Variants in CADM2 observed in about 807,000 individuals in gnomAD.
CADM2 encodes immunoglobulin superfamily member 4D.
A neutral mutation model predicts 49.8 loss-of-function variants in CADM2; 12 were observed. That is an observed-to-expected ratio of 0.24 (90% CI 0.15 to 0.39). CADM2 has a LOEUF of 0.39. Ranked by LOEUF, CADM2 falls within the 10% of genes least tolerant of loss-of-function variation. The pLI, the probability that CADM2 is intolerant of heterozygous loss-of-function variation, is 1.00. For synonymous variants in CADM2, 214 were observed against 175.4 expected (o/e 1.22, Z -1.74); for missense variants, 378 against 492.3 (o/e 0.77, Z 2.20).
At chr3:85,282,406 C>A (rs1303620250) in intron 1 of CADM2, among the ~76,000 whole-genome samples, 1 of 147,660 alleles carries the variant, frequency 6.8e-6, no homozygotes, top group African/African-American at 2.5e-5. Context: ...GGACTACAGG[C>A]GTGAGCCGCC....
chr3:85,452,674 T>C (rs139575081), intron 1 of CADM2, among the ~76,000 whole-genome samples: 1 of 152,260 alleles, frequency 6.6e-6, no homozygotes, highest in East Asian at 1.9e-4. Flanking sequence ...ATAGAAATTA[T>C]CTCCTAGCTC....
chr3:85,883,651 G>C (rs753660804), intron 4 of CADM2, among the ~76,000 whole-genome samples: 1 of 152,234 alleles, frequency 6.6e-6, no homozygotes, highest in Admixed American at 6.5e-5. Flanking sequence ...ATTCAAAGAT[G>C]TATATGACTT....
chr3:86,014,803 T>A (rs1732003539), intron 8 of CADM2: 1 of 1,485,262 alleles, frequency 6.7e-7, no homozygotes, highest in Non-Finnish European at 9.0e-7. Flanking sequence ...AGGAAAGATA[T>A]AGAGCTTCCA....
Position 85,317,260 on chromosome 3 carries a change from A to G in CADM2, c.61+357592A>G, listed in dbSNP as rs184919717. Among the ~76,000 whole-genome samples, 17 of 152,306 alleles carry G rather than the reference A, an allele frequency of 1.1e-4. No individual in the cohort carries two copies. In the East Asian group the frequency reaches 2.7e-3, roughly 24 times the overall value. On this transcript the variant is annotated intron_variant, in intron 1 of 9. Coordinates refer to ENST00000383699, the MANE Select transcript of CADM2 (RefSeq NM_001167675.2). ...ATAATGCACTAGGCACAAGAAGCAC[A>G]CACTAAATTATCAACATAGCACCTC...
At chr3:85,723,709 A>G (rs369315414) in intron 1 of CADM2, among the ~76,000 whole-genome samples, 1 of 152,096 alleles carries the variant, frequency 6.6e-6, no homozygotes, top group East Asian at 1.9e-4. Flanking sequence ...CTTATCTCCA[A>G]TCCACTGATA....
intron 1 of CADM2, among the ~76,000 whole-genome samples, chr3:85,717,762 G>A (rs891452614): frequency 1.3e-5 from 2 of 151,902 alleles, no homozygotes; most frequent in Non-Finnish European, 2.9e-5. Context: ...GTTTTGTGGG[G>A]GTTTTTGTTT....
intron 1 of CADM2, among the ~76,000 whole-genome samples, chr3:85,486,786 C>A (rs1317184478): frequency 6.6e-6 from 1 of 152,034 alleles, no homozygotes; most frequent in African/African-American, 2.4e-5. Context: ...AGATACCTTA[C>A]TGAATACTAT....
At chr3:85,631,761 T>A (rs2064315740) in intron 1 of CADM2, among the ~76,000 whole-genome samples, 1 of 152,096 alleles carries the variant, frequency 6.6e-6, no homozygotes, top group Non-Finnish European at 1.5e-5. Context: ...ACCAATATTG[T>A]TTTTTAAAAG....
intron 1 of CADM2, among the ~76,000 whole-genome samples, chr3:85,470,764 C>T (rs192611587): frequency 3.0e-4 from 46 of 152,202 alleles, no homozygotes; most frequent in Non-Finnish European, 5.4e-4. Context: ...GGTCTGAAAA[C>T]CAAGAAACTC....
At chr3:85,480,521 G>C (rs1162563948) in intron 1 of CADM2, among the ~76,000 whole-genome samples, 3 of 151,842 alleles carry the variant, frequency 2.0e-5, no homozygotes, top group Non-Finnish European at 4.4e-5. Context: ...CTAGAGGGTT[G>C]TTGAGATGAT....
At chr3:85,070,445 T>C (rs910733614) in intron 1 of CADM2, among the ~76,000 whole-genome samples, 3 of 152,190 alleles carry the variant, frequency 2.0e-5, no homozygotes, top group Non-Finnish European at 2.9e-5. Flanking sequence ...GTTTAGACCA[T>C]TAAATGTTCA....
At chr3:85,495,731 T>C (rs1240351940) in intron 1 of CADM2, among the ~76,000 whole-genome samples, 1 of 151,892 alleles carries the variant, frequency 6.6e-6, no homozygotes, top group African/African-American at 2.4e-5. Context: ...AGTGGGAGCA[T>C]GCATGTCACA....
At chr3:85,228,780 T>C (rs2107807504) in intron 1 of CADM2, among the ~76,000 whole-genome samples, 1 of 152,032 alleles carries the variant, frequency 6.6e-6, no homozygotes, top group East Asian at 2.0e-4. Context: ...AGGTGTCTCC[T>C]AGCCAGTCTA....
At chr3:85,982,529 G>A (rs1485590175) in intron 8 of CADM2, among the ~76,000 whole-genome samples, 2 of 151,554 alleles carry the variant, frequency 1.3e-5, no homozygotes, top group African/African-American at 2.4e-5. Context: ...TTAGCCTAAC[G>A]CCCATTTTTC....
intron 1 of CADM2, among the ~76,000 whole-genome samples, chr3:85,012,128 G>T (rs1278267616): frequency 1.3e-5 from 2 of 149,810 alleles, no homozygotes; most frequent in African/African-American, 4.9e-5. Context: ...TGATTTTTCA[G>T]TAATAATTAT....
chr3:85,972,622 T>C (rs1157906957), intron 8 of CADM2, among the ~76,000 whole-genome samples: 1 of 151,742 alleles, frequency 6.6e-6, no homozygotes, highest in Non-Finnish European at 1.5e-5. Context: ...CCATTCTGAA[T>C]GCCATTTTTA....
At chr3:85,307,804 A>G (rs2044248886) in intron 1 of CADM2, among the ~76,000 whole-genome samples, 1 of 151,794 alleles carries the variant, frequency 6.6e-6, no homozygotes. Flanking sequence ...CAAATGAACT[A>G]TTTTTAAAAT....
chr3:85,724,258 C>A (rs966611933), intron 1 of CADM2, among the ~76,000 whole-genome samples: 1 of 151,684 alleles, frequency 6.6e-6, no homozygotes, highest in Non-Finnish European at 1.5e-5. Context: ...TTTTAGTGAT[C>A]TCTTATTTTA....
At chr3:85,827,195 A>C (rs2073956280) in intron 3 of CADM2, among the ~76,000 whole-genome samples, 1 of 152,002 alleles carries the variant, frequency 6.6e-6, no homozygotes. Flanking sequence ...ATTTAAGTAA[A>C]GGAATAATCA....
Sources: gnomAD v4.1 joint callset for allele counts (sites outside exome capture counted in the v4.1 genomes callset) on GRCh38, gnomAD v4.1.1 for gene constraint, MANE v1.5 for transcripts, NCBI Gene and HGNC (gene_info 2026-07-23, HGNC 2026-07-21) for gene names.